COL9A2: variants seen among roughly 807,000 people sequenced by gnomAD.
The protein encoded by COL9A2 is collagen type IX alpha 2 chain, also known as collagen alpha-2(IX) chain.
A neutral mutation model predicts 111.6 loss-of-function variants in COL9A2; 66 were observed. That is an observed-to-expected ratio of 0.59 (90% CI 0.48 to 0.73). The LOEUF (loss-of-function observed/expected upper bound fraction) is 0.73. Ranked by LOEUF, COL9A2 falls within the 30% of genes least tolerant of loss-of-function variation. The probability of loss-of-function intolerance (pLI) is 0.00; values close to 1 mark genes in which losing one functional copy is unlikely to be tolerated. For missense variants in COL9A2, 881 were observed against 954.1 expected, an observed-to-expected ratio of 0.92 and a Z score of 1.01; for synonymous variants, 353 against 364.1, an observed-to-expected ratio of 0.97 and a Z score of 0.35.
In COL9A2 at chr1:40,310,414, G is replaced by GGTAGGCA. The variant is rs1644105239; in HGVS notation, c.685-104_685-98dup. On this transcript the variant is annotated intron_variant, in intron 13 of 31. Transcript: ENST00000372748. The surrounding 1 kb of genome is among the most constrained non-coding windows in gnomAD (Gnocchi z 4.9). ...CTTCAATCTTACAGTGCCCTTTTGAGGTAGGCAGCAGAGTCTCTGTCTCAT... is the reference window on the plus strand; with the variant it reads ...CTTCAATCTTACAGTGCCCTTTTGAGGTAGGCAGTAGGCAGCAGAGTCTCTGTCTCAT... 4.0e-6 allele frequency: 5 copies of GGTAGGCA among 1,263,530 alleles called. No individual in the cohort carries two copies. Among genetic ancestry groups the GGTAGGCA allele is most frequent in the Middle Eastern group, 1.9e-4 (1 of 5,254 alleles). The allele number at this position is 1,263,530 out of a possible 1,614,324, so 78.3% of individuals were successfully genotyped here.
rs567008877 is a variant in COL9A2, at chr1:40,311,971, G to A, written c.417+88C>T. 9 of 1,393,236 alleles carry A rather than the reference G, an allele frequency of 6.5e-6. No homozygotes were observed. The East Asian group carries it at 2.1e-4, about 33-fold the overall frequency. 86.3% of individuals were successfully genotyped at this position (1,393,236 alleles called of 1,614,324 possible). On this transcript the variant is annotated intron_variant, in intron 8 of 31. Transcript: ENST00000372748. The surrounding 1 kb of genome is among the most constrained non-coding windows in gnomAD (Gnocchi z 5.1). The stretch of plus-strand genomic sequence containing the variant: ...AGGAGTTTCCCAGTGGCCAGGAGCA[G>A]GCCCAGGAACTTCCAGAAAGACCAC...
At chr1:40,308,006 A>G (rs1644057498) in intron 17 of COL9A2, among the ~76,000 whole-genome samples, 186 bp downstream of exon 17, 1 of 152,130 alleles carries the variant, frequency 6.6e-6, no homozygotes, top group Admixed American at 6.5e-5. Context: ...GACCTCCCGT[A>G]TGTCATCACC....
chr1:40,307,694 C>T lies in COL9A2; in HGVS notation c.954+9G>A, dbSNP rs1473177508. On this transcript the variant is annotated intron_variant, in intron 18 of 31. Coordinates refer to ENST00000372748, the MANE Select transcript of COL9A2 (RefSeq NM_001852.4). The surrounding 1 kb of genome is among the most constrained non-coding windows in gnomAD (Gnocchi z 4.8). ...CCTGCCCCAGTCCCATCAGCAGCCC[C>T]ACTCCTACCTTCATGCCAGGCGTGC... 2 of 1,614,134 alleles carry T rather than the reference C, an allele frequency of 1.2e-6. No individual in the cohort carries two copies. The highest frequency in any genetic ancestry group is 2.2e-5 in the South Asian group (2 of 91,060).
Position 40,301,385 on chromosome 1 carries a change from T to C in COL9A2, c.1871-4A>G. ...TGGCCAGGCCGGCCAGGGAGTCCTG[T>C]GAACAGGAGAAAGTCAAGACATTAG... is the stretch of plus-strand genomic sequence containing the variant. On this transcript the variant is annotated splice_region_variant and splice_polypyrimidine_tract_variant and intron_variant, in intron 31 of 31. Coordinates refer to ENST00000372748, the MANE Select transcript of COL9A2 (RefSeq NM_001852.4). 6.2e-7 allele frequency: 1 copy of C among 1,605,850 alleles called. No individual in the cohort carries two copies. Among genetic ancestry groups the C allele is most frequent in the Non-Finnish European group, 8.5e-7 (1 of 1,175,536 alleles).
chr1:40,311,455 G>GGC lies in COL9A2; in HGVS notation c.519+44_519+45insGC. On this transcript the variant is annotated intron_variant, in intron 10 of 31. Transcript: ENST00000372748. This position sits in a 1 kb window ranked among gnomAD's most constrained non-coding sequence, Gnocchi z 5.1. Reference sequence around the variant, plus strand: ...GTGGCCCCGCCTCCCCATCTCTGTGGCCCCGCCCCCCTGTGTTAGCCCCGC... The same window carrying GGC: ...GTGGCCCCGCCTCCCCATCTCTGTGGGCCCCCGCCCCCCTGTGTTAGCCCCGC... 1.3e-6 allele frequency: 2 copies of GGC among 1,571,032 alleles called. No homozygotes were observed. Among genetic ancestry groups the GGC allele is most frequent in the Admixed American group, 1.7e-5 (1 of 59,720 alleles).
rs1644148660 is a variant in COL9A2, at chr1:40,312,593, G to T, written c.320C>A (p.Pro107His). The T allele has an allele frequency of 1.9e-6, 3 of 1,613,950 alleles. No homozygotes were observed. The highest frequency in any genetic ancestry group is 3.3e-5 in the Admixed American group (2 of 59,986). Residue 107 changes from proline to histidine, a missense_variant, in exon 6 of 32, where the codon CCT (proline) becomes CAT (histidine). Pro to His is a moderately conservative substitution (Grantham distance 77, BLOSUM62 -2). Transcript: ENST00000372748. The surrounding 1 kb of genome is among the most constrained non-coding windows in gnomAD (Gnocchi z 6.0). Reference sequence around the variant, plus strand: ...ACTCACCGGAAGGCCAGGAGGACCAGGAAGCCCGGGCTGGCCCTGCAGAAG... The same window carrying T: ...ACTCACCGGAAGGCCAGGAGGACCATGAAGCCCGGGCTGGCCCTGCAGAAG... Reference protein sequence around the residue: ...IPGVKGQPGLPGPPGLPGPGF... With the variant: ...IPGVKGQPGLHGPPGLPGPGF...
intron 20 of COL9A2, 54 bp from the exon 21 acceptor site, chr1:40,305,822 C>A (rs548116260): frequency 1.3e-6 from 2 of 1,537,730 alleles, no homozygotes; most frequent in East Asian, 4.5e-5. Context: ...GGCCCTTGGC[C>A]TCAGGGAAAC....
chr1:40,304,102 G>A lies in COL9A2; in HGVS notation c.1288-3C>T. 6.4e-7 allele frequency: 1 copy of A among 1,557,354 alleles called. No individual in the cohort carries two copies. Among genetic ancestry groups the A allele is most frequent in the African/African-American group, 1.4e-5 (1 of 74,052 alleles). On this transcript the variant is annotated splice_polypyrimidine_tract_variant and splice_region_variant and intron_variant, in intron 24 of 31. Coordinates refer to ENST00000372748, the MANE Select transcript of COL9A2 (RefSeq NM_001852.4). ...GGCCCGGTCTTCCCTGGGGAGCCCTGGAGAAAGCGGGCAGTGAGGGGTTTG... is the reference window on the plus strand; with the variant it reads ...GGCCCGGTCTTCCCTGGGGAGCCCTAGAGAAAGCGGGCAGTGAGGGGTTTG...
In COL9A2 at chr1:40,303,758, G is replaced by C. The variant is rs1225746967; in HGVS notation, c.1401+49C>G. On this transcript the variant is annotated intron_variant, in intron 27 of 31. Transcript: ENST00000372748. This position sits in a 1 kb window ranked among gnomAD's most constrained non-coding sequence, Gnocchi z 4.6. ...GAGTGGGGGGTGGGGGTCGAGGAAG[G>C]GAGTGGCCGCCCAGGAAAGTCGGAG... 23 of 1,554,898 alleles carry C rather than the reference G, an allele frequency of 1.5e-5. No homozygotes were observed. Among genetic ancestry groups the C allele is most frequent in the Non-Finnish European group, 2.0e-5 (23 of 1,150,470 alleles).
At position 40,311,142 on chromosome 1, in the gene COL9A2, T is replaced by C; in HGVS notation, c.581A>G (p.His194Arg). The change falls in exon 12 of 32, where the codon CAT (histidine) becomes CGT (arginine). Residue 194 changes from histidine (H) to arginine (R), a missense_variant. Physicochemically the swap from His to Arg is conservative, Grantham distance 29. Coordinates refer to ENST00000372748, the MANE Select transcript of COL9A2 (RefSeq NM_001852.4). This position sits in a 1 kb window ranked among gnomAD's most constrained non-coding sequence, Gnocchi z 5.1. ...ACCCAGAATCCCGCGTTTGCCCGCA[T>C]GCCCCTGAAGGGAAGGAGAGAGCTC... ...GPPGLQGVKG[H>R]AGKRGILGDP... is the part of the protein sequence containing the mutation. 1 of 1,614,212 alleles carries C rather than the reference T, an allele frequency of 6.2e-7. No homozygotes were observed. The highest frequency in any genetic ancestry group is 1.1e-5 in the South Asian group (1 of 91,086).
rs1376948404 is a variant in COL9A2 at position 40,315,646 on chromosome 1, G to C, written c.94C>G (p.Arg32Gly). ...LAQIRGPPGE[R>G]GPPGPPGPPG... ...GGTCCCGGGGGACCCGGGGGGCCCC[G>C]CTCTCCCGGTGGACCTCTCTGAAAA... Residue 32 changes from arginine (R) to glycine (G), a missense_variant, in exon 2 of 32, where the codon CGG (arginine) becomes GGG (glycine). Transcript: ENST00000372748. 6.4e-7 allele frequency: 1 copy of C among 1,553,878 alleles called. No homozygotes were observed. Among genetic ancestry groups the C allele is most frequent in the East Asian group, 2.4e-5 (1 of 41,654 alleles).
Position 40,304,492 on chromosome 1 carries a change from C to A in COL9A2, c.1199G>T (p.Gly400Val). Residue 400 changes from glycine to valine, a missense_variant, in exon 23 of 32, where the codon GGC (glycine) becomes GTC (valine). Physicochemically the swap from Gly to Val is moderately radical, Grantham distance 109 (BLOSUM62 -3). Transcript: ENST00000372748. Reference sequence around the variant, plus strand: ...TGCACTCACCTGCCTTCCCTGAGGGCCTGGTTGCCCCACTGGACCCCTCTC... The same window carrying A: ...TGCACTCACCTGCCTTCCCTGAGGGACTGGTTGCCCCACTGGACCCCTCTC... ...QGERGPVGQP[G>V]PQGRQGPKGE... The A allele has an allele frequency of 6.2e-7, 1 of 1,614,168 alleles. No individual in the cohort carries two copies. The highest frequency in any genetic ancestry group is 8.5e-7 in the Non-Finnish European group (1 of 1,180,014).
Sources: allele counts gnomAD v4.1 joint callset (sites outside exome capture counted in the v4.1 genomes callset), GRCh38; gene constraint gnomAD v4.1.1; non-coding constraint Gnocchi (gnomAD v3.1); transcripts MANE v1.5; gene names NCBI Gene and HGNC (gene_info 2026-07-23, HGNC 2026-07-21).